The following RANBP2 variants were observed in gnomAD, a reference collection of about 807,000 sequenced individuals.
The protein encoded by RANBP2 is RAN binding protein 2.
Under a neutral mutation model 303.6 loss-of-function variants are expected in RANBP2, and 57 were observed. The ratio of observed to expected loss-of-function variants is 0.19; its 90% CI spans 0.15 to 0.23. The LOEUF is 0.23. Among genes scored for constraint, RANBP2 ranks in the 10% least tolerant of loss-of-function variants. The pLI, the probability that RANBP2 is intolerant of heterozygous loss-of-function variation, is 1.00. For missense variants in RANBP2, 3,138 were observed against 3,780.8 expected (o/e 0.83, Z 4.46); for synonymous variants, 1,167 against 1,301.5 (o/e 0.90, Z 2.23).
the RANBP2 span, among the ~76,000 whole-genome samples, chr2:109,551,488 T>A: frequency 6.6e-6 from 1 of 151,982 alleles, no homozygotes; most frequent in African/African-American, 2.4e-5. Flanking sequence ...AACAGAAAAA[T>A]CACCAAATAA....
chr2:109,546,324 A>G, the RANBP2 span: 2 of 789,494 alleles, frequency 2.5e-6, no homozygotes, highest in Non-Finnish European at 3.9e-6. Flanking sequence ...GGCGGACCCC[A>G]TAGCGCAACA....
the RANBP2 span, among the ~76,000 whole-genome samples, chr2:109,124,940 G>A: frequency 6.6e-6 from 1 of 152,206 alleles, no homozygotes. Context: ...CGTAAATAAT[G>A]TGCATCAATT....
chr2:109,514,472 C>T, the RANBP2 span, among the ~76,000 whole-genome samples: 1 of 152,302 alleles, frequency 6.6e-6, no homozygotes, highest in South Asian at 2.1e-4. Context: ...ACTCACAGGG[C>T]CCTGTACGAG....
At chr2:109,004,533 C>T in the RANBP2 span, among the ~76,000 whole-genome samples, 1 of 152,172 alleles carries the variant, frequency 6.6e-6, no homozygotes, top group Non-Finnish European at 1.5e-5. Context: ...AGAGTCCAAC[C>T]ATTGGGCATC....
chr2:108,815,868 C>A, the RANBP2 span: 2 of 1,262,766 alleles, frequency 1.6e-6, no homozygotes, highest in Admixed American at 2.2e-5. Context: ...TATTACTTAA[C>A]AAATTTAAGG....
the RANBP2 span, among the ~76,000 whole-genome samples, chr2:108,825,194 T>C: frequency 9.2e-5 from 14 of 152,082 alleles, no homozygotes; most frequent in African/African-American, 3.4e-4. Context: ...TGTCCAAAAC[T>C]TAGAGAGACT....
the RANBP2 span, among the ~76,000 whole-genome samples, chr2:109,424,219 T>C: frequency 6.6e-6 from 1 of 152,064 alleles, no homozygotes; most frequent in African/African-American, 2.4e-5. Flanking sequence ...CCCTGCGGAG[T>C]TTCCCCATTG....
intron 1 of RANBP2, among the ~76,000 whole-genome samples, chr2:108,720,885 A>T (rs1478505424): frequency 6.6e-6 from 1 of 152,138 alleles, no homozygotes; most frequent in Admixed American, 6.5e-5. Flanking sequence ...GTCTCTACTA[A>T]AAATACAAAA....
chr2:109,334,483 C>G, the RANBP2 span, among the ~76,000 whole-genome samples: 1 of 152,086 alleles, frequency 6.6e-6, no homozygotes, highest in Non-Finnish European at 1.5e-5. Context: ...TGCGGACTTT[C>G]CTCGCAATAA....
At chr2:109,519,921 G>A in the RANBP2 span, among the ~76,000 whole-genome samples, 1 of 152,236 alleles carries the variant, frequency 6.6e-6, no homozygotes, top group Non-Finnish European at 1.5e-5. Context: ...GCTGCAAAAG[G>A]GTGGACTGAA....
chr2:109,563,751 TATG>T, the RANBP2 span, among the ~76,000 whole-genome samples: 2 of 152,210 alleles, frequency 1.3e-5, no homozygotes, highest in Non-Finnish European at 2.9e-5. Flanking sequence ...TCCTTTATAA[TATG>T]TTTTGCTAAG....
chr2:108,860,185 C>T, the RANBP2 span, among the ~76,000 whole-genome samples: 2 of 151,394 alleles, frequency 1.3e-5, no homozygotes, highest in Admixed American at 6.6e-5. Context: ...GATTTTTGTA[C>T]GTTGAATTTG....
At chr2:108,897,195 G>A in the RANBP2 span, 34 of 1,613,586 alleles carry the variant, frequency 2.1e-5, 1 homozygote, top group South Asian at 3.3e-5. Flanking sequence ...TAGTCTTCTC[G>A]AGGCAATCAA....
the RANBP2 span, among the ~76,000 whole-genome samples, chr2:109,399,373 T>C: frequency 6.6e-6 from 1 of 152,198 alleles, no homozygotes; most frequent in African/African-American, 2.4e-5. Flanking sequence ...AGAATCAGAA[T>C]CAACTACATT....
the RANBP2 span, among the ~76,000 whole-genome samples, chr2:108,862,694 A>G: frequency 6.6e-6 from 1 of 152,228 alleles, no homozygotes; most frequent in Non-Finnish European, 1.5e-5. Flanking sequence ...TTAATTAAAA[A>G]ACCAACAAAT....
At chr2:109,670,962 C>T in the RANBP2 span, among the ~76,000 whole-genome samples, 2 of 152,230 alleles carry the variant, frequency 1.3e-5, no homozygotes, top group Admixed American at 6.5e-5. Flanking sequence ...CTCCAATCCC[C>T]ACCCCAGGCC....
At chr2:109,059,791 T>A in the RANBP2 span, among the ~76,000 whole-genome samples, 4 of 151,514 alleles carry the variant, frequency 2.6e-5, no homozygotes, top group African/African-American at 9.7e-5. Flanking sequence ...TGGGATGCAG[T>A]CAGGCCCCAT....
chr2:109,179,960 G>C, the RANBP2 span, among the ~76,000 whole-genome samples: 1 of 50,880 alleles, frequency 2.0e-5, no homozygotes, highest in East Asian at 7.3e-4. Context: ...GGATCATTTG[G>C]ACCCAAAGGT....
chr2:109,101,646 G>A, the RANBP2 span, among the ~76,000 whole-genome samples: 2 of 152,184 alleles, frequency 1.3e-5, no homozygotes, highest in African/African-American at 4.8e-5. Flanking sequence ...CAAAGATAAA[G>A]ATCCAGAAGC....
Sources: allele counts gnomAD v4.1 joint callset (sites outside exome capture counted in the v4.1 genomes callset), GRCh38; gene constraint gnomAD v4.1.1; transcripts MANE v1.5; gene names NCBI Gene and HGNC (gene_info 2026-07-23, HGNC 2026-07-21).